The following PATJ variants were observed in gnomAD, a reference collection of about 807,000 sequenced individuals.
PATJ encodes PATJ crumbs cell polarity complex component.
Under a neutral mutation model 224.9 loss-of-function variants are expected in PATJ, and 190 were observed. The ratio of observed to expected loss-of-function variants is 0.84; its 90% confidence interval spans 0.75 to 0.95. The LOEUF is 0.95. Among genes scored for constraint, PATJ ranks in the 40% least tolerant of loss-of-function variants. PATJ has a pLI of 0.00. For missense variants in PATJ, 2,121 were observed against 2,270.3 expected (o/e 0.93, Z 1.34); for synonymous variants, 769 against 820.3 (o/e 0.94, Z 1.07).
intron 28 of PATJ, among the ~76,000 whole-genome samples, chr1:62,003,876 A>G (rs920524927): frequency 3.3e-5 from 5 of 152,070 alleles, no homozygotes; most frequent in Non-Finnish European, 7.4e-5. Flanking sequence ...TACCTCTATT[A>G]TCTCTGTCAG....
In PATJ at chr1:61,783,423, CTTTTTT is replaced by C. The variant is rs79615768; in HGVS notation, c.850-4318_850-4313del. ...CTTTTTTTTTCCTTTCTTTTCTTTT[CTTTTTT>C]TTTTTTTTTTTTAAATAGAGACAGA... On this transcript the variant is annotated intron_variant, in intron 7 of 43. Coordinates refer to ENST00000642238, the MANE Select transcript of PATJ (RefSeq NM_001350145.3). 9.2e-5 allele frequency among the ~76,000 whole-genome samples: 11 copies of C among 119,210 alleles called. No homozygotes were observed. The East Asian group carries it at 2.4e-3, about 26-fold the overall frequency. 78.2% of individuals were successfully genotyped at this position (119,210 alleles called of 152,430 possible).
intron 43 of PATJ, among the ~76,000 whole-genome samples, 168 bp from the exon 44 acceptor site, chr1:62,160,738 CAT>C (rs1447626736): frequency 6.6e-6 from 1 of 152,174 alleles, no homozygotes; most frequent in Non-Finnish European, 1.5e-5. Flanking sequence ...ATTCAAACAG[CAT>C]ATCTTACTTT....
intron 39 of PATJ, among the ~76,000 whole-genome samples, chr1:62,123,518 C>T (rs1665348064): frequency 7.4e-6 from 1 of 135,016 alleles, no homozygotes; most frequent in South Asian, 2.5e-4. Context: ...TGCTCTGTCA[C>T]CCAGGCTAGA....
chr1:62,088,039 G>C (rs899031187), intron 33 of PATJ, among the ~76,000 whole-genome samples: 13 of 150,944 alleles, frequency 8.6e-5, no homozygotes. Context: ...TTACAGGCAT[G>C]CACCACCATG....
At chr1:61,743,440 A>G (rs1644864128) in intron 1 of PATJ, among the ~76,000 whole-genome samples, 1 of 152,050 alleles carries the variant, frequency 6.6e-6, no homozygotes, top group Non-Finnish European at 1.5e-5. Flanking sequence ...TGCCATTTAG[A>G]GGGTGCCCCT....
At chr1:61,839,629 T>A (rs1230394783) in intron 17 of PATJ, among the ~76,000 whole-genome samples, 1 of 152,182 alleles carries the variant, frequency 6.6e-6, no homozygotes, top group Non-Finnish European at 1.5e-5. Context: ...TGATTTATGT[T>A]GAACTTTGAA....
At chr1:61,987,397 C>CT (rs201612465) in intron 27 of PATJ, among the ~76,000 whole-genome samples, 152 of 148,186 alleles carry the variant, frequency 1.0e-3, no homozygotes, top group South Asian at 6.6e-3. Flanking sequence ...TTATCAACAT[C>CT]TTTTTTTTTA....
At chr1:62,136,629 TGAG>T (rs895132822) in intron 41 of PATJ, among the ~76,000 whole-genome samples, 1 of 147,762 alleles carries the variant, frequency 6.8e-6, no homozygotes, top group African/African-American at 2.5e-5. Context: ...ATGTAAGTGC[TGAG>T]GATTTTTATG....
At chr1:61,750,496 T>G (rs1440351483) in intron 1 of PATJ, among the ~76,000 whole-genome samples, 2 of 143,586 alleles carry the variant, frequency 1.4e-5, no homozygotes, top group Non-Finnish European at 3.0e-5. Flanking sequence ...AGTGCAATGG[T>G]GTGGTCTCGG....
chr1:62,108,855 C>G (rs536009017), intron 34 of PATJ, among the ~76,000 whole-genome samples: 2 of 152,238 alleles, frequency 1.3e-5, no homozygotes, highest in South Asian at 2.1e-4. Context: ...AAAACACATA[C>G]ATATAGATAC....
chr1:61,811,346 A>T (rs1429552563), intron 14 of PATJ, among the ~76,000 whole-genome samples: 1 of 152,000 alleles, frequency 6.6e-6, no homozygotes, highest in Non-Finnish European at 1.5e-5. Context: ...CTCCTGCCTC[A>T]GCCTCCCAGG....
At chr1:61,767,761 C>T (rs577576592) in intron 4 of PATJ, among the ~76,000 whole-genome samples, 235 of 150,366 alleles carry the variant, frequency 1.6e-3, no homozygotes, top group Middle Eastern at 0.01. Context: ...ACTGCAACCT[C>T]CACCTCCTGG....
At chr1:61,834,891 G>A (rs978259452) in intron 17 of PATJ, among the ~76,000 whole-genome samples, 5 of 152,008 alleles carry the variant, frequency 3.3e-5, no homozygotes, top group African/African-American at 1.2e-4. Flanking sequence ...ACTACACCTG[G>A]CTACATTTTG....
Position 62,163,222 on chromosome 1 carries a change from C to T in PATJ, c.*2168C>T, listed in dbSNP as rs142199484. ...TTTGTGTTGAAAATGTCTTTCATGACGGTATTAAGTTTTCTGAAATTACAC... is the reference window on the plus strand; with the variant it reads ...TTTGTGTTGAAAATGTCTTTCATGATGGTATTAAGTTTTCTGAAATTACAC... On this transcript the variant is annotated 3_prime_UTR_variant, in exon 44 of 44. Coordinates refer to ENST00000642238, the MANE Select transcript of PATJ (RefSeq NM_001350145.3). 1.7e-4 allele frequency: 26 copies of T among 153,906 alleles called. No homozygotes were observed. The South Asian group carries it at 3.5e-3, about 21-fold the overall frequency. The allele number at this position is 153,906 out of a possible 1,614,324, so 9.5% of individuals were successfully genotyped here.
At position 62,149,359 on chromosome 1, in the gene PATJ, T is replaced by C. The variant is rs538710438; in HGVS notation, c.5378+969T>C. Among the ~76,000 whole-genome samples, 219 of 152,218 alleles carry C rather than the reference T, an allele frequency of 1.4e-3. 1 individual carries two copies. The highest frequency in any genetic ancestry group is 1.5e-3 in the Non-Finnish European group (103 of 68,000). On this transcript the variant is annotated intron_variant, in intron 42 of 43. Transcript: ENST00000642238. ...CCAGCAGTGCCTGGTCACTAGTAGG[T>C]GCTCAATAAATGTTTGTTGACAAAT...
chr1:61,851,080 A>G (rs1662738521), intron 17 of PATJ, among the ~76,000 whole-genome samples: 1 of 152,226 alleles, frequency 6.6e-6, no homozygotes, highest in African/African-American at 2.4e-5. Flanking sequence ...AAGCAAACAC[A>G]TTCTTGGTCT....
intron 30 of PATJ, among the ~76,000 whole-genome samples, chr1:62,041,731 G>A (rs1651512487): frequency 6.6e-6 from 1 of 152,088 alleles, no homozygotes; most frequent in African/African-American, 2.4e-5. Flanking sequence ...AAGCTAGTAT[G>A]TAAAATAAAG....
intron 41 of PATJ, among the ~76,000 whole-genome samples, chr1:62,139,895 G>C (rs528198638): frequency 6.6e-6 from 1 of 151,712 alleles, no homozygotes; most frequent in Non-Finnish European, 1.5e-5. Context: ...AAATAGCTGG[G>C]GCTACAGTCA....
At chr1:61,780,380 G>C (rs748184361) in intron 7 of PATJ, among the ~76,000 whole-genome samples, 4 of 152,084 alleles carry the variant, frequency 2.6e-5, no homozygotes, top group Non-Finnish European at 5.9e-5. Context: ...CATGAGAATT[G>C]CTTGAACCTG....
Sources: gnomAD v4.1 joint callset for allele counts (sites outside exome capture counted in the v4.1 genomes callset) on GRCh38, gnomAD v4.1.1 for gene constraint, MANE v1.5 for transcripts, NCBI Gene and HGNC (gene_info 2026-07-23, HGNC 2026-07-21) for gene names.